Variants in PAX3 observed in about 807,000 individuals in gnomAD.
PAX3 encodes paired box 3.
PAX3 carries 14 observed loss-of-function variants against 51.6 expected under a neutral mutation model. The observed-to-expected ratio is 0.27, with a 90% CI of 0.18 to 0.42. The LOEUF (loss-of-function observed/expected upper bound fraction) is 0.42, where lower values mean the gene tolerates loss of function less well. Among genes scored for constraint, PAX3 ranks in the 10% least tolerant of loss-of-function variants. The pLI, the probability that PAX3 is intolerant of heterozygous loss-of-function variation, is 1.00. For missense variants in PAX3, 540 were observed against 642.8 expected (o/e 0.84, Z 1.73); for synonymous variants, 280 against 253.4 (o/e 1.11, Z -1.00).
chr2:222,258,805 C>A (rs1019636294), intron 4 of PAX3, among the ~76,000 whole-genome samples: 3 of 152,126 alleles, frequency 2.0e-5, no homozygotes, highest in Non-Finnish European at 4.4e-5. Flanking sequence ...ATGGATTATA[C>A]CTTTCTAATG....
chr2:222,298,500 A>T (rs1695428712), intron 1 of PAX3, 31 bp downstream of exon 1: 3 of 1,559,696 alleles, frequency 1.9e-6, no homozygotes, highest in South Asian at 1.2e-5. Context: ...AGGCCCTGGG[A>T]TCCAGGCGGC....
In PAX3 at chr2:222,202,202, G is replaced by C; in HGVS notation, c.1174-12C>G. Reference sequence around the variant, plus strand: ...AGGAGTCCCATTACCTAAAAAAACAGCCAGATTGGGAAGAGGTTAAAATGC... The same window carrying C: ...AGGAGTCCCATTACCTAAAAAAACACCCAGATTGGGAAGAGGTTAAAATGC... On this transcript the variant is annotated splice_polypyrimidine_tract_variant and intron_variant, in intron 7 of 8. Coordinates refer to ENST00000392070, the MANE Select transcript of PAX3 (RefSeq NM_181458.4). The C allele has an allele frequency of 6.4e-7, 1 of 1,554,262 alleles. No homozygotes were observed. The highest frequency in any genetic ancestry group is 8.8e-7 in the Non-Finnish European group (1 of 1,139,446).
At chr2:222,255,022 A>T (rs1054530455) in intron 4 of PAX3, among the ~76,000 whole-genome samples, 3 of 152,156 alleles carry the variant, frequency 2.0e-5, no homozygotes, top group Non-Finnish European at 1.5e-5. Context: ...ACCTCAAGTG[A>T]TCCACCTGCC....
At position 222,221,215 on chromosome 2, in the gene PAX3, T is replaced by G; in HGVS notation, c.958+7A>C. ...ACTTTCTAATCTCCTTGACTCTTCC[T>G]CGGTACCTTGTGGAATAGATGTGGG... On this transcript the variant is annotated splice_region_variant and intron_variant, in intron 6 of 8. Coordinates refer to ENST00000392070, the MANE Select transcript of PAX3 (RefSeq NM_181458.4). 1.2e-6 allele frequency: 2 copies of G among 1,613,798 alleles called. No individual in the cohort carries two copies. The highest frequency in any genetic ancestry group is 1.7e-6 in the Non-Finnish European group (2 of 1,179,764).
At chr2:222,290,183 A>G (rs1474012916) in intron 4 of PAX3, among the ~76,000 whole-genome samples, 1 of 152,190 alleles carries the variant, frequency 6.6e-6, no homozygotes, top group Non-Finnish European at 1.5e-5. Context: ...TTCACTGGAA[A>G]TAAAATACTC....
intron 7 of PAX3, among the ~76,000 whole-genome samples, chr2:222,202,755 G>T (rs1691350241): frequency 6.7e-6 from 1 of 149,280 alleles, no homozygotes; most frequent in African/African-American, 2.5e-5. Flanking sequence ...GCCATTCTTT[G>T]ATAATTAGAA....
At chr2:222,278,804 C>T (rs980729113) in intron 4 of PAX3, among the ~76,000 whole-genome samples, 1 of 152,250 alleles carries the variant, frequency 6.6e-6, no homozygotes, top group Admixed American at 6.5e-5. Context: ...CCACCAAACA[C>T]GGACACCTGA....
chr2:222,260,237 A>G lies in PAX3; in HGVS notation c.587-27954T>C, dbSNP rs114787806. Among the ~76,000 whole-genome samples, 810 of 151,750 alleles carry G rather than the reference A, an allele frequency of 5.3e-3. 6 individuals are homozygous for G. Among genetic ancestry groups the G allele is most frequent in the African/African-American group, 0.019 (773 of 41,462 alleles). On this transcript the variant is annotated intron_variant, in intron 4 of 8. Coordinates refer to ENST00000392070, the MANE Select transcript of PAX3 (RefSeq NM_181458.4). Reference sequence around the variant, plus strand: ...TTGTACATCACAAGATTGAAGTGGCAAATTAAGACTACATGTGAAAAAAAA... The same window carrying G: ...TTGTACATCACAAGATTGAAGTGGCGAATTAAGACTACATGTGAAAAAAAA...
chr2:222,289,715 G>A (rs112309795), intron 4 of PAX3, among the ~76,000 whole-genome samples: 10 of 152,210 alleles, frequency 6.6e-5, no homozygotes, highest in Admixed American at 6.5e-5. Flanking sequence ...AAAGCTAGGA[G>A]CTGAACTCTG....
chr2:222,215,057 T>A (rs1691899075), intron 7 of PAX3, among the ~76,000 whole-genome samples: 1 of 152,166 alleles, frequency 6.6e-6, no homozygotes, highest in African/African-American at 2.4e-5. Context: ...TGAGAGGAAC[T>A]CAAAATTTAT....
chr2:222,274,463 A>G lies in PAX3; in HGVS notation c.586+19704T>C, dbSNP rs927031698. On this transcript the variant is annotated intron_variant, in intron 4 of 8. Transcript: ENST00000392070. The stretch of plus-strand genomic sequence containing the variant: ...TAAATGTCTCAACGCTGTAGAGTTA[A>G]CGTTCTTCCTAAATGTTCAAATTAT... Among the ~76,000 whole-genome samples the G allele has an allele frequency of 6.1e-5, 9 of 148,598 alleles. No individual in the cohort carries two copies. The South Asian group carries it at 1.4e-3, about 22-fold the overall frequency.
chr2:222,220,339 C>G lies in PAX3; in HGVS notation c.974G>C (p.Ser325Thr), dbSNP rs2106072415. 1 of 1,613,984 alleles carries G rather than the reference C, an allele frequency of 6.2e-7. No individual in the cohort carries two copies. The highest frequency in any genetic ancestry group is 2.2e-5 in the East Asian group (1 of 44,846). ...TSIPQAVSDP[S>T]STVHRPQPLP... ...CGGTTGAGGTCTGTGAACGGTGCTG[C>G]TGGGATCTGACACAGCTGAAATGAA... Residue 325 changes from serine to threonine, a missense_variant, in exon 7 of 9, where the codon AGC becomes ACC. Around this residue, in one of 3 missense-constraint regions of PAX3, gnomAD observed 427 missense variants for 483.6 expected, o/e 0.88. Coordinates refer to ENST00000392070, the MANE Select transcript of PAX3 (RefSeq NM_181458.4).
chr2:222,200,815 TC>T lies in PAX3; in HGVS notation c.*592del, dbSNP rs1364389755. 2.9e-6 allele frequency: 1 copy of T among 341,784 alleles called. No individual in the cohort carries two copies. The highest frequency in any genetic ancestry group is 5.4e-6 in the Non-Finnish European group (1 of 185,342). 21.2% of individuals were successfully genotyped at this position (341,784 alleles called of 1,614,324 possible). On this transcript the variant is annotated 3_prime_UTR_variant, in exon 9 of 9. Transcript: ENST00000392070. The stretch of plus-strand genomic sequence containing the variant: ...AGTAACAAATAATTTATTTAGGAGG[TC>T]CTTTACAGCTAGTCTAGCTTCCTAA...
intron 4 of PAX3, among the ~76,000 whole-genome samples, chr2:222,277,932 C>CAA (rs745911501): frequency 1.4e-3 from 131 of 90,502 alleles, no homozygotes; most frequent in Middle Eastern, 7.1e-3. Flanking sequence ...GACTCCATCT[C>CAA]AAAAAAAAAA....
At chr2:222,258,379 T>C (rs1409277931) in intron 4 of PAX3, among the ~76,000 whole-genome samples, 1 of 152,138 alleles carries the variant, frequency 6.6e-6, no homozygotes, top group Non-Finnish European at 1.5e-5. Context: ...GTAAGAACAA[T>C]TTTCTGATTT....
chr2:222,277,386 T>C (rs748392670), intron 4 of PAX3, among the ~76,000 whole-genome samples: 3 of 152,066 alleles, frequency 2.0e-5, no homozygotes, highest in Non-Finnish European at 4.4e-5. Flanking sequence ...TTCCCATAGG[T>C]TCATTAGCTC....
intron 4 of PAX3, among the ~76,000 whole-genome samples, chr2:222,257,617 T>C (rs528219802): frequency 6.6e-6 from 1 of 152,360 alleles, no homozygotes; most frequent in African/African-American, 2.4e-5. Context: ...CCATTCATCT[T>C]TTCAAATGCC....
chr2:222,278,120 C>A (rs1654785766), intron 4 of PAX3, among the ~76,000 whole-genome samples: 1 of 152,092 alleles, frequency 6.6e-6, no homozygotes, highest in Admixed American at 6.5e-5. Context: ...CTGGCAATTT[C>A]TGAATCCCAG....
At chr2:222,294,397 G>A in intron 3 of PAX3, 96 bp from the exon 4 acceptor site, 9 of 1,414,336 alleles carry the variant, frequency 6.4e-6, no homozygotes, top group Non-Finnish European at 8.9e-6. Flanking sequence ...CACCAGCCAG[G>A]GCCCTAGAGC....
Sources: gnomAD v4.1 joint callset for allele counts (sites outside exome capture counted in the v4.1 genomes callset) on GRCh38, gnomAD v4.1.1 for gene constraint, gnomAD v4.1.1 regional missense constraint, MANE v1.5 for transcripts, NCBI Gene and HGNC (gene_info 2026-07-23, HGNC 2026-07-21) for gene names.